The following CNTNAP2 variants were observed in gnomAD, a reference collection of about 807,000 sequenced individuals.
CNTNAP2 encodes contactin associated protein 2.
A neutral mutation model predicts 155.2 loss-of-function variants in CNTNAP2; 98 were observed. That is an observed-to-expected ratio of 0.63 (90% CI 0.54 to 0.75). CNTNAP2 has a LOEUF of 0.75. CNTNAP2 is among the 30% of genes least tolerant of loss of function. The probability of loss-of-function intolerance (pLI) is 0.00; values close to 1 mark genes in which losing one functional copy is unlikely to be tolerated. For synonymous variants in CNTNAP2, 651 were observed against 631.2 expected (o/e 1.03, Z -0.47); for missense variants, 1,727 against 1,688.1 (o/e 1.02, Z -0.40).
chr7:146,894,452 CTTGTT>C (rs1221965073), intron 3 of CNTNAP2, among the ~76,000 whole-genome samples: 4 of 151,828 alleles, frequency 2.6e-5, no homozygotes, highest in African/African-American at 7.3e-5. Context: ...TTTTGTTTTT[CTTGTT>C]TTTGTTTTGT....
chr7:146,162,609 A>G (rs538843633), intron 1 of CNTNAP2, among the ~76,000 whole-genome samples: 68 of 152,334 alleles, frequency 4.5e-4, no homozygotes, highest in African/African-American at 1.6e-3. Flanking sequence ...TGATTCCTCA[A>G]GGATCTAGAA....
At chr7:147,821,414 A>G (rs1396737175) in intron 13 of CNTNAP2, among the ~76,000 whole-genome samples, 1 of 152,214 alleles carries the variant, frequency 6.6e-6, no homozygotes, top group East Asian at 1.9e-4. Context: ...ACAGAAGGCA[A>G]CAAGACTGAC....
chr7:146,685,875 C>T (rs760690911), intron 1 of CNTNAP2, among the ~76,000 whole-genome samples: 1 of 152,106 alleles, frequency 6.6e-6, no homozygotes, highest in Non-Finnish European at 1.5e-5. Context: ...AAGAGGAAAA[C>T]ATTCAGTCTA....
intron 22 of CNTNAP2, among the ~76,000 whole-genome samples, chr7:148,388,602 G>A (rs1361085612): frequency 6.6e-6 from 1 of 152,052 alleles, no homozygotes; most frequent in Admixed American, 6.6e-5. Flanking sequence ...GAGGAGGAGA[G>A]GTGCTCTGCT....
At chr7:146,678,946 G>A (rs1800451778) in intron 1 of CNTNAP2, among the ~76,000 whole-genome samples, 2 of 152,106 alleles carry the variant, frequency 1.3e-5, no homozygotes, top group South Asian at 2.1e-4. Context: ...ATGGCAACTT[G>A]AGTATTTGAC....
intron 21 of CNTNAP2, among the ~76,000 whole-genome samples, chr7:148,308,797 G>T (rs1484085541): frequency 6.9e-6 from 1 of 144,222 alleles, no homozygotes; most frequent in Non-Finnish European, 1.5e-5. Flanking sequence ...TCATTGTTCA[G>T]CTCCCACCTG....
At chr7:147,261,656 C>T (rs573234098) in intron 8 of CNTNAP2, among the ~76,000 whole-genome samples, 5 of 151,836 alleles carry the variant, frequency 3.3e-5, no homozygotes, top group Admixed American at 6.6e-5. Context: ...ATTTGAATGG[C>T]GTTGTCAGGT....
At chr7:147,704,887 A>C (rs1422367992) in intron 13 of CNTNAP2, among the ~76,000 whole-genome samples, 1 of 151,990 alleles carries the variant, frequency 6.6e-6, no homozygotes, top group Non-Finnish European at 1.5e-5. Flanking sequence ...GTCTTTAATT[A>C]TGTTTTTATT....
intron 21 of CNTNAP2, among the ~76,000 whole-genome samples, chr7:148,275,148 G>A (rs1796850376): frequency 6.6e-6 from 1 of 152,102 alleles, no homozygotes. Context: ...GTTTCTCTTG[G>A]GAGAACCCAA....
chr7:147,017,950 G>T (rs947396957), intron 3 of CNTNAP2, among the ~76,000 whole-genome samples: 26 of 152,068 alleles, frequency 1.7e-4, no homozygotes, highest in Admixed American at 1.0e-3. Flanking sequence ...ATTTCTGTTG[G>T]CTGGAACCAC....
intron 1 of CNTNAP2, among the ~76,000 whole-genome samples, chr7:146,728,410 G>C (rs970220800): frequency 6.6e-6 from 1 of 152,106 alleles, no homozygotes; most frequent in Non-Finnish European, 1.5e-5. Context: ...CAAATAATGC[G>C]AGCCAGTTTT....
chr7:146,831,607 C>T (rs1041715229), intron 2 of CNTNAP2, among the ~76,000 whole-genome samples: 4 of 126,858 alleles, frequency 3.2e-5, no homozygotes, highest in African/African-American at 9.1e-5. Flanking sequence ...ACCCAGGAGG[C>T]GGAGGTTGCA....
intron 14 of CNTNAP2, among the ~76,000 whole-genome samples, chr7:147,972,217 G>C (rs904059451): frequency 4.6e-5 from 7 of 152,060 alleles, no homozygotes; most frequent in African/African-American, 1.7e-4. Flanking sequence ...TTCTAGTTTG[G>C]GTGATGCTGT....
chr7:147,528,559 G>A lies in CNTNAP2; in HGVS notation c.1778-33579G>A, dbSNP rs540236468. ...CATACATGTACACACATGCATTCAC[G>A]CATGTGTGCTCACACACAGACTAGC... is the stretch of plus-strand genomic sequence containing the variant. On this transcript the variant is annotated intron_variant, in intron 11 of 23. Transcript: ENST00000361727. Among the ~76,000 whole-genome samples the A allele has an allele frequency of 3.9e-5, 6 of 152,230 alleles. No homozygotes were observed. In the East Asian group the frequency reaches 7.7e-4, roughly 20 times the overall value.
At chr7:147,586,555 G>A (rs78346721) in intron 12 of CNTNAP2, among the ~76,000 whole-genome samples, 8,988 of 37,544 alleles carry the variant, frequency 0.24, 719 homozygotes, top group East Asian at 0.33. Flanking sequence ...GGGAGGGAGG[G>A]AGGGAGGGAG....
intron 12 of CNTNAP2, among the ~76,000 whole-genome samples, chr7:147,631,107 T>C (rs1385539560): frequency 2.0e-5 from 3 of 152,174 alleles, no homozygotes; most frequent in Admixed American, 2.0e-4. Flanking sequence ...CTAGATATGA[T>C]AAATTAATTT....
chr7:147,660,410 C>T (rs368684369), intron 13 of CNTNAP2, among the ~76,000 whole-genome samples: 62 of 152,284 alleles, frequency 4.1e-4, no homozygotes, highest in African/African-American at 9.9e-4. Context: ...TCCCTTCTTC[C>T]TCACCCTTCC....
At chr7:146,950,884 G>T (rs1402304416) in intron 3 of CNTNAP2, among the ~76,000 whole-genome samples, 1 of 152,082 alleles carries the variant, frequency 6.6e-6, no homozygotes, top group Admixed American at 6.6e-5. Flanking sequence ...CTTCCACAAT[G>T]GTTGAACTAA....
chr7:147,087,344 C>T (rs781470044), intron 4 of CNTNAP2, among the ~76,000 whole-genome samples: 4 of 151,866 alleles, frequency 2.6e-5, no homozygotes, highest in East Asian at 3.9e-4. Flanking sequence ...AAGAGGACAC[C>T]GAAGAGACAC....
Sources: allele counts gnomAD v4.1 joint callset (sites outside exome capture counted in the v4.1 genomes callset), GRCh38; gene constraint gnomAD v4.1.1; transcripts MANE v1.5; gene names NCBI Gene and HGNC (gene_info 2026-07-23, HGNC 2026-07-21).